The following TLN2 variants were observed in gnomAD, a reference collection of about 807,000 sequenced individuals.
The protein encoded by TLN2 is talin 2, also known as talin-2.
A neutral mutation model predicts 294.7 loss-of-function variants in TLN2; 118 were observed. The ratio of observed to expected loss-of-function variants is 0.40; its 90% confidence interval spans 0.34 to 0.47. The LOEUF is 0.47. Ranked by LOEUF, TLN2 falls within the 20% of genes least tolerant of loss-of-function variation. The probability of loss-of-function intolerance (pLI) is 0.84; values close to 1 mark genes in which losing one functional copy is unlikely to be tolerated. For missense variants in TLN2, 3,083 were observed against 3,282.2 expected (o/e 0.94, Z 1.48); for synonymous variants, 1,431 against 1,304.5 (o/e 1.10, Z -2.09).
chr15:62,648,840 C>T lies in TLN2; in HGVS notation c.137-1244C>T, dbSNP rs141985371. On this transcript the variant is annotated intron_variant, in intron 4 of 58. Coordinates refer to ENST00000636159, the MANE Select transcript of TLN2 (RefSeq NM_015059.3). Reference sequence around the variant, plus strand: ...CTGGGATTACAGACGTGAGCCACCACGCCTGGACGATTATTATTTTTTGAG... The same window carrying T: ...CTGGGATTACAGACGTGAGCCACCATGCCTGGACGATTATTATTTTTTGAG... Among the ~76,000 whole-genome samples the T allele has an allele frequency of 6.1e-3, 924 of 152,042 alleles. 5 individuals are homozygous for T. The highest frequency in any genetic ancestry group is 0.01 in the Middle Eastern group (3 of 294).
chr15:62,636,248 TAATAGATA>T (rs1049766091), intron 3 of TLN2, among the ~76,000 whole-genome samples: 1 of 84,726 alleles, frequency 1.2e-5, no homozygotes, highest in African/African-American at 4.3e-5. Flanking sequence ...AGGGATACTG[TAATAGATA>T]GATAGATAGA....
chr15:62,701,111 T>C lies in TLN2; in HGVS notation c.1593T>C (p.Ser531=). 6.2e-7 allele frequency: 1 copy of C among 1,613,890 alleles called. No individual in the cohort carries two copies. Among genetic ancestry groups the C allele is most frequent in the Non-Finnish European group, 8.5e-7 (1 of 1,179,920 alleles). The change falls in exon 17 of 59, where the codon TCT becomes TCC. Residue 531 remains serine (S), a synonymous_variant. Transcript: ENST00000636159. ...GCCGTTGTCTGGCTTTGCAGGCATC[T>C]AGGGTATGGGTTCAGAACAAAGTCG... ...SLPPLGQDMA[S]RVWVQNKVDE...
At chr15:62,604,694 C>CTT (rs59233796) in intron 2 of TLN2, among the ~76,000 whole-genome samples, 2 of 137,724 alleles carry the variant, frequency 1.5e-5, no homozygotes, top group African/African-American at 2.7e-5. Flanking sequence ...TCTTCGTCTT[C>CTT]TTTTTTTTTT....
intron 1 of TLN2, among the ~76,000 whole-genome samples, chr15:62,441,701 A>G (rs114172665): frequency 0.015 from 2,237 of 152,260 alleles, 42 homozygotes; most frequent in Middle Eastern, 0.054. Context: ...AAGATTGCCC[A>G]CTTCAGATGC....
rs192536683 is a variant in TLN2 at position 62,621,727 on chromosome 15, C to T, written c.-37+3252C>T. On this transcript the variant is annotated intron_variant, in intron 3 of 58. Coordinates refer to ENST00000636159, the MANE Select transcript of TLN2 (RefSeq NM_015059.3). The stretch of plus-strand genomic sequence containing the variant: ...GGAACAGGGTCCCTCTTATTTGCTG[C>T]GAAGAGCTCCCTTATGGCGGGATTG... Among the ~76,000 whole-genome samples, 138 of 152,248 alleles carry T rather than the reference C, an allele frequency of 9.1e-4. 2 individuals carry two copies. Among genetic ancestry groups the T allele is most frequent in the Middle Eastern group, 3.4e-3 (1 of 294 alleles).
intron 1 of TLN2, among the ~76,000 whole-genome samples, chr15:62,526,055 A>G (rs2140484067): frequency 6.6e-6 from 1 of 152,000 alleles, no homozygotes; most frequent in East Asian, 1.9e-4. Flanking sequence ...TGTAGATTAT[A>G]TATTTATTAT....
At chr15:62,781,274 T>C (rs1381764066) in intron 44 of TLN2, 33 bp downstream of exon 44, 2 of 1,570,744 alleles carry the variant, frequency 1.3e-6, no homozygotes, top group Admixed American at 1.7e-5. Flanking sequence ...TCCCCACTGT[T>C]GTTTGCCTTT....
At position 62,647,356 on chromosome 15, in the gene TLN2, G is replaced by C; in HGVS notation, c.46G>C (p.Val16Leu). 1 of 1,614,228 alleles carries C rather than the reference G, an allele frequency of 6.2e-7. No individual in the cohort carries two copies. The highest frequency in any genetic ancestry group is 8.5e-7 in the Non-Finnish European group (1 of 1,180,048). The change falls in exon 4 of 59, where the codon GTG becomes CTG. Residue 16 changes from valine (V) to leucine (L), a missense_variant. Val to Leu is a conservative substitution (Grantham distance 32). Coordinates refer to ENST00000636159, the MANE Select transcript of TLN2 (RefSeq NM_015059.3). ...GATTTGTGTGCGCCACTGCAACGTGGTGAAGACCATGCAGTTTGAACCATC... is the reference window on the plus strand; with the variant it reads ...GATTTGTGTGCGCCACTGCAACGTGCTGAAGACCATGCAGTTTGAACCATC... The part of the protein sequence containing the change: ...LKICVRHCNV[V>L]KTMQFEPSTA...
intron 1 of TLN2, among the ~76,000 whole-genome samples, chr15:62,572,582 C>G (rs977092450): frequency 2.0e-5 from 3 of 152,216 alleles, no homozygotes; most frequent in African/African-American, 7.2e-5. Flanking sequence ...CTCTGCCAAA[C>G]TTTTCTATGC....
chr15:62,737,170 C>G (rs2061067380), intron 29 of TLN2, 84 bp downstream of exon 29: 1 of 1,415,656 alleles, frequency 7.1e-7, no homozygotes. Context: ...GGCACTTTTC[C>G]CTGATATGAA....
At chr15:62,558,354 C>G (rs375285786) in intron 1 of TLN2, among the ~76,000 whole-genome samples, 42 of 152,136 alleles carry the variant, frequency 2.8e-4, no homozygotes, top group African/African-American at 9.4e-4. Context: ...AAATGGTGAG[C>G]TTCTTAAGGA....
At chr15:62,544,089 C>G (rs537013345) in intron 1 of TLN2, among the ~76,000 whole-genome samples, 1 of 152,158 alleles carries the variant, frequency 6.6e-6, no homozygotes, top group African/African-American at 2.4e-5. Flanking sequence ...TTAGCTATCA[C>G]GCTTTGTATA....
intron 1 of TLN2, among the ~76,000 whole-genome samples, chr15:62,432,227 A>G (rs1462496571): frequency 6.6e-6 from 1 of 152,164 alleles, no homozygotes; most frequent in Non-Finnish European, 1.5e-5. Flanking sequence ...GTAATCCTCT[A>G]ATTGAAGACA....
chr15:62,835,460 G>A (rs918608637), intron 55 of TLN2: 7 of 524,872 alleles, frequency 1.3e-5, no homozygotes, highest in African/African-American at 7.7e-5. Flanking sequence ...TTCCTGAGCC[G>A]TTTCCCAGAA....
intron 12 of TLN2, among the ~76,000 whole-genome samples, chr15:62,688,160 T>C (rs543783099): frequency 6.6e-6 from 1 of 152,194 alleles, no homozygotes; most frequent in Non-Finnish European, 1.5e-5. Context: ...AAAAAATGAA[T>C]AGTTATGATA....
chr15:62,686,498 G>C (rs946070392), intron 11 of TLN2, 143 bp from the exon 12 acceptor site: 1 of 910,356 alleles, frequency 1.1e-6, no homozygotes, highest in African/African-American at 1.7e-5. Flanking sequence ...TATTCACCTA[G>C]CCTCAAAATC....
intron 12 of TLN2, among the ~76,000 whole-genome samples, chr15:62,690,087 G>A (rs1418241637): frequency 1.0e-5 from 1 of 96,864 alleles, no homozygotes; most frequent in Non-Finnish European, 2.0e-5. Flanking sequence ...GCGGCCGGCC[G>A]GGCGGGGGGC....
At chr15:62,505,798 C>G (rs2471026) in intron 1 of TLN2, among the ~76,000 whole-genome samples, 2 of 152,024 alleles carry the variant, frequency 1.3e-5, no homozygotes, top group Admixed American at 6.6e-5. Context: ...TAATCTGTAA[C>G]ATAGTTTTTG....
At chr15:62,442,400 A>C (rs2035591415) in intron 1 of TLN2, among the ~76,000 whole-genome samples, 1 of 150,654 alleles carries the variant, frequency 6.6e-6, no homozygotes, top group African/African-American at 2.4e-5. Flanking sequence ...AGGCTGAGGT[A>C]AGAGAATCGC....
Sources: allele counts gnomAD v4.1 joint callset (sites outside exome capture counted in the v4.1 genomes callset), GRCh38; gene constraint gnomAD v4.1.1; transcripts MANE v1.5; gene names NCBI Gene and HGNC (gene_info 2026-07-23, HGNC 2026-07-21).